QKI: variants seen among roughly 807,000 people sequenced by gnomAD.
The protein encoded by QKI is KH domain-containing RNA-binding protein QKI.
In QKI, 10 loss-of-function variants were observed where a neutral mutation model predicts 39.0. That is an observed-to-expected ratio of 0.26 (90% CI 0.16 to 0.43). The LOEUF is 0.43. Among genes scored for constraint, QKI ranks in the 20% least tolerant of loss-of-function variants. The probability of loss-of-function intolerance (pLI) is 1.00; values close to 1 mark genes in which losing one functional copy is unlikely to be tolerated. For synonymous variants in QKI, 204 were observed against 155.4 expected (o/e 1.31, Z -2.33); for missense variants, 218 against 428.0 (o/e 0.51, Z 4.33).
chr6:163,497,190 T>G (rs1217762359), intron 3 of QKI, among the ~76,000 whole-genome samples: 1 of 152,214 alleles, frequency 6.6e-6, no homozygotes, highest in Non-Finnish European at 1.5e-5. Context: ...GTGTTGTGCT[T>G]TAAGGCCTTT....
At chr6:163,528,088 A>C (rs1050211242) in intron 3 of QKI, among the ~76,000 whole-genome samples, 1 of 152,104 alleles carries the variant, frequency 6.6e-6, no homozygotes, top group Admixed American at 6.6e-5. Flanking sequence ...TCTGGATGTG[A>C]CTTACTCAGA....
At chr6:163,528,108 A>G (rs1780622975) in intron 3 of QKI, among the ~76,000 whole-genome samples, 1 of 152,144 alleles carries the variant, frequency 6.6e-6, no homozygotes, top group South Asian at 2.1e-4. Context: ...AAATTCATTT[A>G]TGGAGAAAGA....
chr6:163,561,526 C>T (rs566749155), intron 4 of QKI, among the ~76,000 whole-genome samples: 16 of 152,030 alleles, frequency 1.1e-4, no homozygotes, highest in Non-Finnish European at 1.9e-4. Flanking sequence ...GAGGATGGCT[C>T]GAACCTAGGA....
At chr6:163,557,687 A>G (rs73246671) in intron 4 of QKI, among the ~76,000 whole-genome samples, 2,991 of 152,302 alleles carry the variant, frequency 0.02, 96 homozygotes, top group African/African-American at 0.068. Context: ...TTATAATACA[A>G]AGAAAGGATA....
intron 2 of QKI, among the ~76,000 whole-genome samples, chr6:163,456,551 C>T (rs534676628): frequency 6.6e-6 from 1 of 152,162 alleles, no homozygotes; most frequent in Non-Finnish European, 1.5e-5. Context: ...GGACAGAATA[C>T]TAGTCTGTAG....
At chr6:163,469,884 TG>T (rs1418524537) in intron 2 of QKI, among the ~76,000 whole-genome samples, 1 of 152,182 alleles carries the variant, frequency 6.6e-6, no homozygotes, top group Admixed American at 6.6e-5. Context: ...ATTTCAACAT[TG>T]TTACACCATA....
chr6:163,481,136 G>A (rs1793045671), intron 3 of QKI, among the ~76,000 whole-genome samples: 1 of 152,206 alleles, frequency 6.6e-6, no homozygotes, highest in African/African-American at 2.4e-5. Flanking sequence ...ATTGATGTAA[G>A]TAATAAAGAT....
At chr6:163,510,586 G>A (rs559081460) in intron 3 of QKI, among the ~76,000 whole-genome samples, 114 of 152,088 alleles carry the variant, frequency 7.5e-4, no homozygotes, top group Non-Finnish European at 1.2e-3. Context: ...AGTTTACAGA[G>A]AAATACTAGA....
intron 2 of QKI, among the ~76,000 whole-genome samples, chr6:163,471,305 G>A (rs2128223280): frequency 6.6e-6 from 1 of 152,226 alleles, no homozygotes. Context: ...TTCATTACTA[G>A]AAGACGTTCA....
At chr6:163,438,564 C>G in intron 1 of QKI, among the ~76,000 whole-genome samples, 1 of 152,150 alleles carries the variant, frequency 6.6e-6, no homozygotes, top group East Asian at 1.9e-4. Context: ...TGCTACTGTA[C>G]TGAATACTGT....
chr6:163,427,418 C>T (rs1443976162), intron 1 of QKI, among the ~76,000 whole-genome samples: 1 of 151,848 alleles, frequency 6.6e-6, no homozygotes, highest in African/African-American at 2.4e-5. Context: ...TTGTTTTAGA[C>T]ATGTTACCAA....
intron 2 of QKI, among the ~76,000 whole-genome samples, chr6:163,460,745 T>C (rs1791290078): frequency 6.6e-6 from 1 of 152,198 alleles, no homozygotes; most frequent in African/African-American, 2.4e-5. Flanking sequence ...TTCAGGAGTC[T>C]TGATGTACAC....
intron 1 of QKI, among the ~76,000 whole-genome samples, chr6:163,446,022 A>G (rs1212786273): frequency 2.6e-5 from 4 of 152,210 alleles, no homozygotes; most frequent in Non-Finnish European, 5.9e-5. Flanking sequence ...CTTAGTAATT[A>G]ATAAATGCCT....
intron 2 of QKI, among the ~76,000 whole-genome samples, chr6:163,472,570 C>T (rs1792284289): frequency 6.6e-6 from 1 of 152,164 alleles, no homozygotes; most frequent in South Asian, 2.1e-4. Context: ...AATTTAATCA[C>T]ACCAGACTTT....
chr6:163,424,822 G>C (rs577076401), intron 1 of QKI, among the ~76,000 whole-genome samples: 18 of 151,514 alleles, frequency 1.2e-4, no homozygotes, highest in Non-Finnish European at 2.2e-4. Context: ...GTAGAGACAG[G>C]GTTTCACCAT....
In QKI at chr6:163,570,874, ATTG is replaced by A. The variant is rs374446579; in HGVS notation, c.*169_*171del. 5.2e-5 allele frequency: 48 copies of A among 922,102 alleles called. No individual in the cohort carries two copies. Among genetic ancestry groups the A allele is most frequent in the African/African-American group, 1.4e-4 (8 of 57,286 alleles). 57.1% of individuals were successfully genotyped at this position (922,102 alleles called of 1,614,324 possible). ...ATCTAACCAAACAAAAGACAAAGAAATTGTTGTCCTCCAACTCAGCTTTTTTTT... is the reference window on the plus strand; with the variant it reads ...ATCTAACCAAACAAAAGACAAAGAAATTGTCCTCCAACTCAGCTTTTTTTT... On this transcript the variant is annotated 3_prime_UTR_variant, in exon 8 of 8. Coordinates refer to ENST00000361752, the MANE Select transcript of QKI (RefSeq NM_006775.3).
Position 163,517,075 on chromosome 6 carries a change from CTCTCTT to C in QKI, c.403-17901_403-17896del, listed in dbSNP as rs199721181. On this transcript the variant is annotated intron_variant, in intron 3 of 7. Coordinates refer to ENST00000361752, the MANE Select transcript of QKI (RefSeq NM_006775.3). ...ACACACTCACTCTCTCTCTCTCTCT[CTCTCTT>C]TCTCTCTCTCTCTCTCTCTCTAGCT... Among the ~76,000 whole-genome samples, 22 of 40,218 alleles carry C rather than the reference CTCTCTT, an allele frequency of 5.5e-4. No individual in the cohort carries two copies. The Admixed American group carries it at 5.9e-3, about 11-fold the overall frequency. The allele number at this position is 40,218 out of a possible 152,430, so 26.4% of individuals were successfully genotyped here. A position where few individuals can be genotyped will look rare whatever the true frequency, so the allele number is the denominator to read the frequency against.
intron 1 of QKI, among the ~76,000 whole-genome samples, chr6:163,426,192 A>G (rs984655083): frequency 2.6e-5 from 4 of 151,800 alleles, no homozygotes; most frequent in East Asian, 1.9e-4. Context: ...ATCTTACTCA[A>G]TACTGCTCAT....
intron 1 of QKI, among the ~76,000 whole-genome samples, chr6:163,442,699 G>C (rs1789847712): frequency 6.6e-6 from 1 of 152,188 alleles, no homozygotes. Context: ...CCGAGATCAG[G>C]AGGAACAAAT....
Sources: allele counts gnomAD v4.1 joint callset (sites outside exome capture counted in the v4.1 genomes callset), GRCh38; gene constraint gnomAD v4.1.1; transcripts MANE v1.5; gene names NCBI Gene and HGNC (gene_info 2026-07-23, HGNC 2026-07-21).